The following NEDD4L variants were observed in gnomAD, a reference collection of about 807,000 sequenced individuals.
NEDD4L encodes the protein E3 ubiquitin-protein ligase NEDD4-like.
A neutral mutation model predicts 148.9 loss-of-function variants in NEDD4L; 54 were observed. The observed-to-expected ratio is 0.36, with a 90% CI of 0.29 to 0.45. The LOEUF is 0.45. NEDD4L is among the 20% of genes least tolerant of loss of function. The pLI, the probability that NEDD4L is intolerant of heterozygous loss-of-function variation, is 1.00. For missense variants in NEDD4L, 856 were observed against 1,233.8 expected (o/e 0.69, Z 4.59); for synonymous variants, 433 against 440.7 (o/e 0.98, Z 0.22).
chr18:58,322,825 G>A (rs2058941026), intron 7 of NEDD4L, among the ~76,000 whole-genome samples: 1 of 137,298 alleles, frequency 7.3e-6, no homozygotes, highest in South Asian at 2.5e-4. Flanking sequence ...GTATAGGTGG[G>A]GATGCCTGCC....
intron 16 of NEDD4L, among the ~76,000 whole-genome samples, chr18:58,346,629 T>C (rs2145414361): frequency 6.6e-6 from 1 of 152,334 alleles, no homozygotes; most frequent in South Asian, 2.1e-4. Flanking sequence ...CTGTGTTTTA[T>C]ATATTTTGAA....
chr18:58,367,061 G>A (rs2046210646), intron 21 of NEDD4L: 1 of 152,274 alleles, frequency 6.6e-6, no homozygotes, highest in Non-Finnish European at 1.5e-5. Flanking sequence ...TCCAACTATT[G>A]AAGGTGGAGG....
rs369452591 is a variant in NEDD4L at position 58,305,319 on chromosome 18, C to G, written c.298-10663C>G. On this transcript the variant is annotated intron_variant, in intron 5 of 30. Coordinates refer to ENST00000400345, the MANE Select transcript of NEDD4L (RefSeq NM_001144967.3). ...ACGGGTAGCTTCACCCAGTGGTTGT[C>G]AGCCCTGGCCAAAAATTAGAATAAG... 9.2e-5 allele frequency among the ~76,000 whole-genome samples: 14 copies of G among 152,324 alleles called. No homozygotes were observed. In the East Asian group the frequency reaches 2.1e-3, roughly 23 times the overall value.
rs554657453 is a variant in NEDD4L, at chr18:58,379,216, A to G, written c.2353-4030A>G. The stretch of plus-strand genomic sequence containing the variant: ...GCCCCTGGGTGCCAGCACCAGCTCC[A>G]TCTGCAGTTCGCTGTTTCTCCTTGG... On this transcript the variant is annotated intron_variant, in intron 24 of 30. Coordinates refer to ENST00000400345, the MANE Select transcript of NEDD4L (RefSeq NM_001144967.3). Among the ~76,000 whole-genome samples the G allele has an allele frequency of 5.9e-5, 9 of 152,330 alleles. No homozygotes were observed. In the South Asian group the frequency reaches 1.4e-3, roughly 25 times the overall value.
At chr18:58,344,650 T>C (rs1005740321) in intron 16 of NEDD4L, among the ~76,000 whole-genome samples, 2 of 152,210 alleles carry the variant, frequency 1.3e-5, no homozygotes, top group Non-Finnish European at 2.9e-5. Flanking sequence ...CTGAAGATAA[T>C]GTTACAGATT....
chr18:58,099,717 T>G (rs2084638913), intron 1 of NEDD4L, among the ~76,000 whole-genome samples: 1 of 152,210 alleles, frequency 6.6e-6, no homozygotes, highest in African/African-American at 2.4e-5. Flanking sequence ...GTTGGAAATC[T>G]GACCTGGGCA....
At chr18:58,224,107 C>T (rs79305938) in intron 2 of NEDD4L, among the ~76,000 whole-genome samples, 12,032 of 152,222 alleles carry the variant, frequency 0.079, 772 homozygotes, top group East Asian at 0.36. Flanking sequence ...CAGTGGAGTT[C>T]CGTAGAATAC....
chr18:58,120,191 C>A (rs1479261696), intron 1 of NEDD4L, among the ~76,000 whole-genome samples: 1 of 152,164 alleles, frequency 6.6e-6, no homozygotes. Context: ...GCAGAAATCC[C>A]TGTCGAGGCC....
chr18:58,223,575 G>A (rs149943573), intron 2 of NEDD4L, among the ~76,000 whole-genome samples: 2 of 152,276 alleles, frequency 1.3e-5, no homozygotes, highest in African/African-American at 2.4e-5. Context: ...TTTTCAGCCT[G>A]TACTTCTTAG....
chr18:58,232,196 T>G (rs1254764468), intron 2 of NEDD4L, among the ~76,000 whole-genome samples: 2 of 152,166 alleles, frequency 1.3e-5, no homozygotes, highest in African/African-American at 4.8e-5. Context: ...GGAACAACAC[T>G]CTACTAATTA....
At chr18:58,126,567 T>TTTGGTAGAAACATTTGGTAGAATCA (rs2031138420) in intron 1 of NEDD4L, among the ~76,000 whole-genome samples, 1 of 152,230 alleles carries the variant, frequency 6.6e-6, no homozygotes, top group African/African-American at 2.4e-5. Flanking sequence ...TGTTTCTACT[T>TTTGGTAGAAACATTTGGTAGAATCA]TTTGGTAGAA....
intron 23 of NEDD4L, 91 bp downstream of exon 23, chr18:58,370,558 T>C (rs1027548003): frequency 8.6e-6 from 7 of 811,582 alleles, no homozygotes; most frequent in African/African-American, 8.4e-5. Flanking sequence ...TCTCAGCCAC[T>C]TTTATGGGTG....
intron 19 of NEDD4L, among the ~76,000 whole-genome samples, chr18:58,360,911 CCTCA>C (rs2045388542): frequency 6.6e-6 from 1 of 152,096 alleles, no homozygotes; most frequent in Non-Finnish European, 1.5e-5. Context: ...TAACTGTGGA[CCTCA>C]TACCCACTTT....
intron 1 of NEDD4L, among the ~76,000 whole-genome samples, chr18:58,053,587 G>A (rs2081973695): frequency 1.3e-5 from 2 of 152,268 alleles, no homozygotes; most frequent in South Asian, 4.1e-4. Context: ...GGGATTACAG[G>A]CATGAGCCAC....
chr18:58,055,689 A>T lies in NEDD4L; in HGVS notation c.48+10981A>T, dbSNP rs148327790. Among the ~76,000 whole-genome samples, 488 of 152,354 alleles carry T rather than the reference A, an allele frequency of 3.2e-3. 1 individual carries two copies. Among genetic ancestry groups the T allele is most frequent in the African/African-American group, 0.011 (456 of 41,580 alleles). On this transcript the variant is annotated intron_variant, in intron 1 of 30. Transcript: ENST00000400345. ...CAAGGACTATTTTAAGGAAAAAATGACTGGTAAATTGTATTTCTTTTTCCC... is the reference window on the plus strand; with the variant it reads ...CAAGGACTATTTTAAGGAAAAAATGTCTGGTAAATTGTATTTCTTTTTCCC...
At chr18:58,319,163 A>C (rs1277940734) in intron 6 of NEDD4L, among the ~76,000 whole-genome samples, 5 of 152,176 alleles carry the variant, frequency 3.3e-5, no homozygotes, top group Admixed American at 1.3e-4. Flanking sequence ...CTTCAGAGAC[A>C]CTGATTCACT....
At chr18:58,142,247 A>C in intron 1 of NEDD4L, among the ~76,000 whole-genome samples, 1 of 150,554 alleles carries the variant, frequency 6.6e-6, no homozygotes. Context: ...ACGGGATTTC[A>C]CTGTGTTAGC....
chr18:58,367,653 C>T, intron 21 of NEDD4L, 93 bp from the exon 22 acceptor site: 2 of 1,360,070 alleles, frequency 1.5e-6, no homozygotes, highest in Non-Finnish European at 2.1e-6. Flanking sequence ...CTCGCAGGGA[C>T]ACTGTAAAAG....
At chr18:58,060,609 G>A (rs1273775768) in intron 1 of NEDD4L, among the ~76,000 whole-genome samples, 1 of 152,112 alleles carries the variant, frequency 6.6e-6, no homozygotes, top group African/African-American at 2.4e-5. Flanking sequence ...AAAAAAGGGA[G>A]GTGTCTAGAA....
Sources: allele counts gnomAD v4.1 joint callset (sites outside exome capture counted in the v4.1 genomes callset), GRCh38; gene constraint gnomAD v4.1.1; transcripts MANE v1.5; gene names NCBI Gene and HGNC (gene_info 2026-07-23, HGNC 2026-07-21).